EFHC2: variants seen among roughly 807,000 people sequenced by gnomAD.
EFHC2 encodes EF-hand domain containing 2.
In EFHC2, 18 loss-of-function variants were observed where a neutral mutation model predicts 52.7. The ratio of observed to expected loss-of-function variants is 0.34; its 90% CI spans 0.24 to 0.51. The LOEUF is 0.51. Ranked by LOEUF, EFHC2 falls within the 20% of genes least tolerant of loss-of-function variation. The probability of loss-of-function intolerance (pLI) is 0.97; values close to 1 mark genes in which losing one functional copy is unlikely to be tolerated. For missense variants in EFHC2, 513 were observed against 562.5 expected (o/e 0.91, Z 0.89); for synonymous variants, 203 against 204.1 (o/e 0.99, Z 0.04).
chrX:44,221,488 TTTTG>T (rs1200103133), intron 11 of EFHC2, among the ~76,000 whole-genome samples: 2 of 112,224 alleles, frequency 1.8e-5, no homozygotes, highest in African/African-American at 6.5e-5. Context: ...TCACTGATAT[TTTTG>T]TTTCTCTGCT....
intron 1 of EFHC2, among the ~76,000 whole-genome samples, chrX:44,334,718 C>T (rs1329139783): frequency 1.8e-5 from 2 of 112,301 alleles, no homozygotes; most frequent in Non-Finnish European, 3.8e-5. Flanking sequence ...AGGTGATCCG[C>T]CTGCCTCAGC....
chrX:44,252,107 G>A (rs2037456059), intron 4 of EFHC2, among the ~76,000 whole-genome samples: 1 of 111,623 alleles, frequency 9.0e-6, no homozygotes, highest in Non-Finnish European at 1.9e-5. Flanking sequence ...GGAGAAACAG[G>A]AGCACAGCAA....
At chrX:44,251,238 CAAAA>C (rs746850685) in intron 4 of EFHC2, among the ~76,000 whole-genome samples, 6 of 18,309 alleles carry the variant, frequency 3.3e-4, no homozygotes, top group African/African-American at 9.3e-4. Context: ...GACTCCATCT[CAAAA>C]AAAAAAAAAA....
intron 2 of EFHC2, among the ~76,000 whole-genome samples, chrX:44,293,327 A>G (rs1040649538): frequency 9.0e-6 from 1 of 111,338 alleles, no homozygotes; most frequent in African/African-American, 3.3e-5. Context: ...ATCAACTGAC[A>G]TGATTTCTTG....
chrX:44,165,151 C>A (rs2036686651), intron 13 of EFHC2, among the ~76,000 whole-genome samples: 1 of 111,507 alleles, frequency 9.0e-6, no homozygotes, highest in Admixed American at 9.6e-5. Flanking sequence ...AAAATATACT[C>A]CTAATCAGTC....
At chrX:44,177,259 G>A (rs781378517) in intron 12 of EFHC2, among the ~76,000 whole-genome samples, 1 of 111,847 alleles carries the variant, frequency 8.9e-6, no homozygotes, top group South Asian at 3.7e-4. Flanking sequence ...AAGAGTCAAG[G>A]AAAAATACCA....
At chrX:44,177,197 G>A (rs891259923) in intron 12 of EFHC2, among the ~76,000 whole-genome samples, 1 of 112,148 alleles carries the variant, frequency 8.9e-6, no homozygotes, top group African/African-American at 3.2e-5. Flanking sequence ...GGCAGGGCCA[G>A]GGCCATGCAA....
chrX:44,289,655 G>A (rs774876494), intron 2 of EFHC2, among the ~76,000 whole-genome samples: 203 of 105,269 alleles, frequency 1.9e-3, no homozygotes, highest in African/African-American at 6.7e-3. Flanking sequence ...TTTATCTGCC[G>A]GTCTACATCT....
intron 14 of EFHC2, among the ~76,000 whole-genome samples, chrX:44,163,686 G>T (rs1303162930): frequency 9.0e-6 from 1 of 111,481 alleles, no homozygotes; most frequent in African/African-American, 3.3e-5. Context: ...AATTGGATGC[G>T]ATCGAGGTTA....
chrX:44,328,963 C>T (rs1019609707), intron 1 of EFHC2, among the ~76,000 whole-genome samples: 5 of 111,788 alleles, frequency 4.5e-5, no homozygotes, highest in African/African-American at 1.6e-4. Flanking sequence ...AGTGTACTTT[C>T]ATTTTTAATA....
chrX:44,202,795 G>A (rs2037016959), intron 11 of EFHC2, among the ~76,000 whole-genome samples: 1 of 111,183 alleles, frequency 9.0e-6, no homozygotes, highest in African/African-American at 3.3e-5. Flanking sequence ...GGGACCAGTA[G>A]GTCCCCTGGA....
At chrX:44,292,270 G>A (rs1318434897) in intron 2 of EFHC2, among the ~76,000 whole-genome samples, 1 of 110,531 alleles carries the variant, frequency 9.0e-6, no homozygotes, top group Admixed American at 9.7e-5. Flanking sequence ...CCCCATATCC[G>A]AAATTCTTGA....
At chrX:44,313,811 C>T (rs1041917457) in intron 1 of EFHC2, among the ~76,000 whole-genome samples, 13 of 110,184 alleles carry the variant, frequency 1.2e-4, no homozygotes, top group African/African-American at 3.3e-4. Flanking sequence ...AAAAATTAGC[C>T]GGGCATGGTG....
At chrX:44,309,890 G>T in intron 2 of EFHC2, 1 of 1,149,652 alleles carries the variant, frequency 8.7e-7, no homozygotes, top group South Asian at 1.8e-5. Context: ...ATCGTTCAAT[G>T]GCATTGAAGA....
intron 1 of EFHC2, among the ~76,000 whole-genome samples, chrX:44,325,545 A>C (rs749876888): frequency 1.8e-5 from 2 of 110,173 alleles, no homozygotes; most frequent in Admixed American, 2.0e-4. Flanking sequence ...GGGCAATTTT[A>C]TCACATGCAT....
Position 44,227,575 on chromosome X carries a change from G to A in EFHC2, c.1751+2074C>T, listed in dbSNP as rs555534304. On this transcript the variant is annotated intron_variant, in intron 11 of 14. Coordinates refer to ENST00000420999, the MANE Select transcript of EFHC2 (RefSeq NM_025184.4). ...ACTATATGTATTGAGCCCAGCAGTA[G>A]GGGATGCTGCAGGGAACAACACCAT... Among the ~76,000 whole-genome samples, 8 of 111,330 alleles carry A rather than the reference G, an allele frequency of 7.2e-5. No homozygotes were observed. In the South Asian group the frequency reaches 3.1e-3, roughly 43 times the overall value.
intron 4 of EFHC2, among the ~76,000 whole-genome samples, chrX:44,251,625 A>T (rs1392819867): frequency 3.2e-4 from 26 of 80,975 alleles, no homozygotes; most frequent in Middle Eastern, 6.3e-3. Context: ...AAAAAAAAAA[A>T]AAAAAAAAAA....
intron 8 of EFHC2, among the ~76,000 whole-genome samples, chrX:44,235,922 G>T (rs2147325424): frequency 9.0e-6 from 1 of 111,082 alleles, no homozygotes; most frequent in South Asian, 3.8e-4. Flanking sequence ...TCCCCTCTCA[G>T]ACTCACTCCT....
chrX:44,202,006 G>A (rs2037009666), intron 11 of EFHC2, among the ~76,000 whole-genome samples: 1 of 111,278 alleles, frequency 9.0e-6, no homozygotes. Flanking sequence ...CTCACATGTT[G>A]CATTGTAGGC....
Sources: allele counts gnomAD v4.1 joint callset (sites outside exome capture counted in the v4.1 genomes callset), GRCh38; gene constraint gnomAD v4.1.1; transcripts MANE v1.5; gene names NCBI Gene and HGNC (gene_info 2026-07-23, HGNC 2026-07-21).